SMYD3: variants seen among roughly 807,000 people sequenced by gnomAD.
SMYD3 encodes the protein histone-lysine N-methyltransferase SMYD3.
A neutral mutation model predicts 57.7 loss-of-function variants in SMYD3; 36 were observed. That is an observed-to-expected ratio of 0.62 (90% CI 0.48 to 0.82). The LOEUF (loss-of-function observed/expected upper bound fraction) is 0.82, where lower values mean the gene tolerates loss of function less well. SMYD3 is among the 40% of genes least tolerant of loss of function. SMYD3 has a pLI of 0.00. For missense variants in SMYD3, 515 were observed against 538.8 expected, an observed-to-expected ratio of 0.96 and a Z score of 0.44; for synonymous variants, 211 against 195.0, an observed-to-expected ratio of 1.08 and a Z score of -0.68.
Position 246,192,106 on chromosome 1 carries a change from T to A in SMYD3, c.531+135095A>T, listed in dbSNP as rs1192385554. Among the ~76,000 whole-genome samples, 4 of 152,178 alleles carry A rather than the reference T, an allele frequency of 2.6e-5. No individual in the cohort carries two copies. In the South Asian group the frequency reaches 8.3e-4, roughly 32 times the overall value. On this transcript the variant is annotated intron_variant, in intron 5 of 11. Transcript: ENST00000490107. ...TGTGTGGCTTTTGTTGTTGTTTTTGTTGCTGTTGTTGAAACAAGGTGTCAC... is the reference window on the plus strand; with the variant it reads ...TGTGTGGCTTTTGTTGTTGTTTTTGATGCTGTTGTTGAAACAAGGTGTCAC...
chr1:246,058,537 G>A (rs779745025), intron 5 of SMYD3, among the ~76,000 whole-genome samples: 2 of 152,262 alleles, frequency 1.3e-5, no homozygotes, highest in East Asian at 3.9e-4. Flanking sequence ...GCAGAATCGG[G>A]TCATTTTCCT....
intron 5 of SMYD3, among the ~76,000 whole-genome samples, chr1:246,128,513 T>C (rs192274370): frequency 3.0e-4 from 46 of 152,298 alleles, no homozygotes; most frequent in African/African-American, 9.6e-4. Flanking sequence ...TACATAGAAA[T>C]CTTATTTAAT....
chr1:246,300,314 T>C (rs1030030410), intron 5 of SMYD3, among the ~76,000 whole-genome samples: 6 of 152,166 alleles, frequency 3.9e-5, no homozygotes, highest in Admixed American at 2.0e-4. Flanking sequence ...AAAATGCACA[T>C]TTGCATGTAT....
chr1:245,835,691 C>T (rs1280778050), intron 10 of SMYD3, among the ~76,000 whole-genome samples: 1 of 152,152 alleles, frequency 6.6e-6, no homozygotes, highest in Non-Finnish European at 1.5e-5. Context: ...TTAGGAAGGC[C>T]TCAAGAACAA....
intron 2 of SMYD3, among the ~76,000 whole-genome samples, chr1:246,340,791 T>C (rs2065620948): frequency 6.6e-6 from 1 of 152,112 alleles, no homozygotes; most frequent in African/African-American, 2.4e-5. Flanking sequence ...CATAGGGAAA[T>C]CCCATCTCTA....
intron 5 of SMYD3, among the ~76,000 whole-genome samples, chr1:246,048,694 A>T (rs2060011147): frequency 6.6e-6 from 1 of 151,660 alleles, no homozygotes; most frequent in Non-Finnish European, 1.5e-5. Flanking sequence ...AGTTCTCTGG[A>T]CCCGTTTCCT....
intron 1 of SMYD3, among the ~76,000 whole-genome samples, chr1:246,377,976 A>G (rs185410874): frequency 1.3e-5 from 2 of 152,204 alleles, no homozygotes; most frequent in African/African-American, 4.8e-5. Context: ...TGAAAATGTT[A>G]TCTCAATGTG....
At chr1:246,325,367 T>C (rs1361613482) in intron 5 of SMYD3, among the ~76,000 whole-genome samples, 1 of 151,076 alleles carries the variant, frequency 6.6e-6, no homozygotes, top group Non-Finnish European at 1.5e-5. Flanking sequence ...ATTAAAAACA[T>C]TAACAAAACT....
At chr1:246,288,435 C>T (rs923385672) in intron 5 of SMYD3, among the ~76,000 whole-genome samples, 1 of 152,052 alleles carries the variant, frequency 6.6e-6, no homozygotes, top group Non-Finnish European at 1.5e-5. Context: ...TCCCCTACAG[C>T]CCCATGCGTA....
At chr1:246,456,607 C>T (rs1302697194) in intron 1 of SMYD3, among the ~76,000 whole-genome samples, 1 of 152,212 alleles carries the variant, frequency 6.6e-6, no homozygotes, top group African/African-American at 2.4e-5. Context: ...TCTGTCTATG[C>T]CTCTGTTGAA....
At chr1:245,779,624 G>A (rs1428725959) in intron 10 of SMYD3, among the ~76,000 whole-genome samples, 1 of 152,148 alleles carries the variant, frequency 6.6e-6, no homozygotes, top group Non-Finnish European at 1.5e-5. Flanking sequence ...TGTTCCTAGA[G>A]GTGCCTCTGC....
chr1:246,283,336 T>C (rs2064492135), intron 5 of SMYD3, among the ~76,000 whole-genome samples: 1 of 152,218 alleles, frequency 6.6e-6, no homozygotes, highest in African/African-American at 2.4e-5. Context: ...TTCATGAGCA[T>C]GAGCTATTGC....
chr1:246,107,149 T>A (rs7545895), intron 5 of SMYD3, among the ~76,000 whole-genome samples: 1 of 139,238 alleles, frequency 7.2e-6, no homozygotes, highest in East Asian at 2.3e-4. Flanking sequence ...TAGCCAGGCG[T>A]GGTGGCAGGC....
intron 1 of SMYD3, among the ~76,000 whole-genome samples, chr1:246,438,386 A>G (rs891586539): frequency 1.3e-5 from 2 of 152,216 alleles, no homozygotes; most frequent in Admixed American, 6.5e-5. Context: ...TCAACCATCA[A>G]GAGCACAGGC....
intron 1 of SMYD3, among the ~76,000 whole-genome samples, chr1:246,485,664 G>C (rs1034538225): frequency 6.6e-6 from 1 of 151,916 alleles, no homozygotes; most frequent in Admixed American, 6.6e-5. Context: ...GTGGTGGTTC[G>C]TGCCTGTAGT....
intron 5 of SMYD3, among the ~76,000 whole-genome samples, chr1:246,275,378 T>C (rs10924664): frequency 0.32 from 45,604 of 143,394 alleles, 8,352 homozygotes; most frequent in East Asian, 0.71. Context: ...TTTTACTAGC[T>C]GTATTAACAC....
chr1:246,275,262 C>G (rs917622208), intron 5 of SMYD3, among the ~76,000 whole-genome samples: 1 of 152,254 alleles, frequency 6.6e-6, no homozygotes, highest in Non-Finnish European at 1.5e-5. Flanking sequence ...ATGATACATA[C>G]AAGAACGGCA....
At chr1:246,097,336 C>T (rs779392520) in intron 5 of SMYD3, among the ~76,000 whole-genome samples, 13 of 152,074 alleles carry the variant, frequency 8.5e-5, no homozygotes, top group Non-Finnish European at 1.5e-4. Context: ...TGAATTCAAC[C>T]GTCTGAAGGG....
intron 8 of SMYD3, among the ~76,000 whole-genome samples, chr1:245,894,383 A>G (rs1572615222): frequency 6.6e-6 from 1 of 152,082 alleles, no homozygotes. Flanking sequence ...AGGGAATAAA[A>G]CCTGGCCACC....
Sources: allele counts gnomAD v4.1 joint callset (sites outside exome capture counted in the v4.1 genomes callset), GRCh38; gene constraint gnomAD v4.1.1; transcripts MANE v1.5; gene names NCBI Gene and HGNC (gene_info 2026-07-23, HGNC 2026-07-21).